AFF2: variants seen among roughly 807,000 people sequenced by gnomAD.
AFF2 encodes the protein ALF transcription elongation factor 2, also known as AF4/FMR2 family member 2.
AFF2 carries 14 observed loss-of-function variants against 76.9 expected under a neutral mutation model. The ratio of observed to expected loss-of-function variants is 0.18; its 90% CI spans 0.12 to 0.28. AFF2 has a LOEUF of 0.28. Among genes scored for constraint, AFF2 ranks in the 10% least tolerant of loss-of-function variants. The pLI, the probability that AFF2 is intolerant of heterozygous loss-of-function variation, is 1.00. For missense variants in AFF2, 868 were observed against 1,001.1 expected (o/e 0.87, Z 1.79); for synonymous variants, 398 against 366.7 (o/e 1.09, Z -0.98).
intron 1 of AFF2, among the ~76,000 whole-genome samples, chrX:148,593,621 G>A (rs1557246921): frequency 2.7e-5 from 3 of 111,991 alleles, no homozygotes; most frequent in Non-Finnish European, 5.6e-5. Context: ...GTGCCTTATT[G>A]GTACTGTGGA....
At chrX:148,704,334 ATG>A (rs1453266968) in intron 3 of AFF2, among the ~76,000 whole-genome samples, 6 of 81,144 alleles carry the variant, frequency 7.4e-5, no homozygotes, top group Non-Finnish European at 6.7e-5. Context: ...ATTTATATAT[ATG>A]TGTGTATATA....
At chrX:148,736,549 C>T in intron 3 of AFF2, among the ~76,000 whole-genome samples, 1 of 111,059 alleles carries the variant, frequency 9.0e-6, no homozygotes, top group East Asian at 2.8e-4. Flanking sequence ...TGAAGATTTT[C>T]TCCCACTCTG....
At chrX:148,987,263 C>T in intron 19 of AFF2, 104 bp from the exon 20 acceptor site, 1 of 764,041 alleles carries the variant, frequency 1.3e-6, no homozygotes, top group East Asian at 3.2e-5. Flanking sequence ...TTCACTCCAG[C>T]AAATGGCATT....
At position 148,994,770 on chromosome X, in the gene AFF2, A is replaced by G. The variant is rs2072574844; in HGVS notation, c.*3438A>G. The G allele has an allele frequency of 8.9e-6, 1 of 112,235 alleles. No individual in the cohort carries two copies. Among genetic ancestry groups the G allele is most frequent in the South Asian group, 3.8e-4 (1 of 2,660 alleles). 9.2% of individuals were successfully genotyped at this position (112,235 alleles called of 1,213,427 possible). On this transcript the variant is annotated 3_prime_UTR_variant, in exon 21 of 21. Coordinates refer to ENST00000370460, the MANE Select transcript of AFF2 (RefSeq NM_002025.4). ...TCTAATTTGGATTCTGTTTCATGCA[A>G]ATTTGCATCCCGGAGGTTGAAGTTG...
At chrX:148,939,430 A>G (rs2071808952) in intron 9 of AFF2, among the ~76,000 whole-genome samples, 1 of 111,807 alleles carries the variant, frequency 8.9e-6, no homozygotes, top group South Asian at 3.7e-4. Flanking sequence ...TTTAACACTA[A>G]TCTTTGTGTA....
chrX:148,792,067 A>G (rs888734837), intron 3 of AFF2, among the ~76,000 whole-genome samples: 1 of 111,190 alleles, frequency 9.0e-6, no homozygotes, highest in East Asian at 2.8e-4. Context: ...GATTAAGAAC[A>G]TGGGTTTGAA....
chrX:148,616,902 C>G (rs1355832797), intron 1 of AFF2, among the ~76,000 whole-genome samples: 2 of 111,059 alleles, frequency 1.8e-5, no homozygotes, highest in Non-Finnish European at 3.8e-5. Context: ...AGGACATGAA[C>G]TCATCATTTT....
chrX:148,606,089 A>T (rs1353812056), intron 1 of AFF2, among the ~76,000 whole-genome samples: 1 of 112,744 alleles, frequency 8.9e-6, no homozygotes, highest in East Asian at 2.8e-4. Flanking sequence ...TACTTCTGTG[A>T]TATTTGCCCA....
At chrX:148,507,914 G>T (rs1557232684) in intron 1 of AFF2, among the ~76,000 whole-genome samples, 2 of 112,077 alleles carry the variant, frequency 1.8e-5, no homozygotes, top group African/African-American at 6.5e-5. Context: ...ATTATGGATT[G>T]CTTACTTTAT....
At chrX:148,503,747 G>A (rs1030735875) in intron 1 of AFF2, among the ~76,000 whole-genome samples, 2 of 112,391 alleles carry the variant, frequency 1.8e-5, no homozygotes, top group Non-Finnish European at 3.8e-5. Flanking sequence ...AAAGGATGGG[G>A]TACTAATGAT....
At chrX:148,940,440 G>A (rs1041038909) in intron 9 of AFF2, among the ~76,000 whole-genome samples, 11 of 111,982 alleles carry the variant, frequency 9.8e-5, no homozygotes, top group African/African-American at 2.9e-4. Context: ...ACCCCAGAAG[G>A]TATTTTAATT....
chrX:148,656,800 G>A (rs782275841), intron 2 of AFF2, among the ~76,000 whole-genome samples: 1 of 111,533 alleles, frequency 9.0e-6, no homozygotes, highest in East Asian at 2.8e-4. Context: ...GCGCCCGGCC[G>A]AGGAATTTTA....
chrX:148,702,574 C>T (rs1431764297), intron 3 of AFF2, among the ~76,000 whole-genome samples: 2 of 111,759 alleles, frequency 1.8e-5, no homozygotes, highest in Admixed American at 9.6e-5. Context: ...ATATTTAGTG[C>T]TGTCAGGAGT....
At chrX:148,506,046 C>T (rs1277624321) in intron 1 of AFF2, among the ~76,000 whole-genome samples, 1 of 110,537 alleles carries the variant, frequency 9.0e-6, no homozygotes, top group Non-Finnish European at 1.9e-5. Context: ...TACTCTGTGC[C>T]ACAAGCTTGG....
chrX:148,592,708 G>GCTTC (rs2053535160), intron 1 of AFF2, among the ~76,000 whole-genome samples: 1 of 111,195 alleles, frequency 9.0e-6, no homozygotes, highest in Admixed American at 9.6e-5. Flanking sequence ...TGGGGCTTGG[G>GCTTC]CTTCATTAGG....
At chrX:148,694,842 G>A (rs1194261989) in intron 3 of AFF2, among the ~76,000 whole-genome samples, 2 of 80,657 alleles carry the variant, frequency 2.5e-5, no homozygotes, top group African/African-American at 9.9e-5. Context: ...TTGAGATGGA[G>A]TCTCGCTCTG....
intron 9 of AFF2, among the ~76,000 whole-genome samples, chrX:148,950,188 A>G (rs1265180620): frequency 8.9e-6 from 1 of 112,189 alleles, no homozygotes; most frequent in African/African-American, 3.2e-5. Flanking sequence ...ACAATGTTTC[A>G]GTTTTGTACT....
At chrX:148,850,420 G>A (rs868925559) in intron 7 of AFF2, among the ~76,000 whole-genome samples, 3 of 111,716 alleles carry the variant, frequency 2.7e-5, no homozygotes, top group African/African-American at 9.8e-5. Context: ...GTAACTGGGA[G>A]TGAAGCAAAT....
intron 1 of AFF2, among the ~76,000 whole-genome samples, chrX:148,503,439 C>T (rs2052375156): frequency 9.0e-6 from 1 of 111,364 alleles, no homozygotes; most frequent in South Asian, 3.8e-4. Flanking sequence ...GCCCCCAAGC[C>T]CCCAGGAGGG....
Sources: gnomAD v4.1 joint callset for allele counts (sites outside exome capture counted in the v4.1 genomes callset) on GRCh38, gnomAD v4.1.1 for gene constraint, MANE v1.5 for transcripts, NCBI Gene and HGNC (gene_info 2026-07-23, HGNC 2026-07-21) for gene names.